SIPA1L2: variants seen among roughly 807,000 people sequenced by gnomAD.
SIPA1L2 encodes the protein signal-induced proliferation-associated 1-like protein 2.
In SIPA1L2, 56 loss-of-function variants were observed where a neutral mutation model predicts 163.9. The observed-to-expected ratio is 0.34, with a 90% CI of 0.28 to 0.43. The LOEUF is 0.43. Among genes scored for constraint, SIPA1L2 ranks in the 20% least tolerant of loss-of-function variants. The pLI is 1.00. For missense variants in SIPA1L2, 1,974 were observed against 2,193.5 expected, an observed-to-expected ratio of 0.90 and a Z score of 2.00; for synonymous variants, 877 against 865.7, an observed-to-expected ratio of 1.01 and a Z score of -0.23.
chr1:232,515,071 G>T lies in SIPA1L2; in HGVS notation c.269C>A (p.Ser90Tyr). The part of the protein sequence containing the change: ...VSEWPPKKDC[S>Y]KELTCKALWE... ...CAGTGCCTTGCATGTTAGCTCCTTG[G>T]AACAGTCCTTTTTAGGAGGCCATTC... The change falls in exon 3 of 23, where the codon TCC (serine) becomes TAC (tyrosine). Residue 90 changes from serine (S) to tyrosine (Y), a missense_variant. Coordinates refer to ENST00000674635, the MANE Select transcript of SIPA1L2 (RefSeq NM_020808.5). The T allele has an allele frequency of 1.2e-6, 2 of 1,614,120 alleles. No homozygotes were observed. The highest frequency in any genetic ancestry group is 1.7e-6 in the Non-Finnish European group (2 of 1,180,024).
chr1:232,525,445 G>A (rs1243411086), intron 2 of SIPA1L2, among the ~76,000 whole-genome samples: 2 of 145,326 alleles, frequency 1.4e-5, no homozygotes, highest in Admixed American at 7.0e-5. Context: ...TAGTAGAGAC[G>A]GGGTTTCACC....
intron 3 of SIPA1L2, among the ~76,000 whole-genome samples, chr1:232,512,801 G>A (rs1238489357): frequency 6.6e-6 from 1 of 151,534 alleles, no homozygotes; most frequent in African/African-American, 2.4e-5. Flanking sequence ...AGAACTTAAA[G>A]TAAAAAAAAA....
At chr1:232,516,167 C>A (rs901412070) in intron 2 of SIPA1L2, among the ~76,000 whole-genome samples, 1 of 152,174 alleles carries the variant, frequency 6.6e-6, no homozygotes, top group Non-Finnish European at 1.5e-5. Flanking sequence ...GCAAAATGGT[C>A]AATACAAGAC....
rs563203836 is a variant in SIPA1L2, at chr1:232,443,604, G to A, written c.3435C>T (p.Asp1145=). The part of the protein sequence containing the change: ...SGPWRPQVGY[D]GCQSPLLLEH... ...ACTAAGATAAAAATGAACAGTACCCGTCGTAGCCCACTTGTGGTCTCCAGG... is the reference window on the plus strand; with the variant it reads ...ACTAAGATAAAAATGAACAGTACCCATCGTAGCCCACTTGTGGTCTCCAGG... Residue 1145 remains aspartate, a splice_region_variant and synonymous_variant, in exon 12 of 23, where the codon GAC becomes GAT. Coordinates refer to ENST00000674635, the MANE Select transcript of SIPA1L2 (RefSeq NM_020808.5). 1.2e-4 allele frequency: 194 copies of A among 1,601,040 alleles called. 2 individuals are homozygous for A. Among genetic ancestry groups the A allele is most frequent in the South Asian group, 1.0e-3 (91 of 88,588 alleles).
chr1:232,592,028 T>TAATC (rs1660994229), intron 1 of SIPA1L2, among the ~76,000 whole-genome samples: 1 of 152,082 alleles, frequency 6.6e-6, no homozygotes, highest in Non-Finnish European at 1.5e-5. Context: ...TTTTTCCCAC[T>TAATC]AATCACTCTT....
chr1:232,558,675 T>G (rs1221980751), intron 2 of SIPA1L2, among the ~76,000 whole-genome samples: 1 of 152,162 alleles, frequency 6.6e-6, no homozygotes, highest in Non-Finnish European at 1.5e-5. Flanking sequence ...ATGAGTTATC[T>G]CCCATAAAAG....
chr1:232,531,550 A>G (rs527466063), intron 2 of SIPA1L2, among the ~76,000 whole-genome samples: 420 of 152,336 alleles, frequency 2.8e-3, no homozygotes, highest in Non-Finnish European at 4.5e-3. Context: ...CTAGTCTAGG[A>G]TCAAAGATGC....
At chr1:232,550,343 C>T (rs944409518) in intron 2 of SIPA1L2, among the ~76,000 whole-genome samples, 8 of 152,088 alleles carry the variant, frequency 5.3e-5, no homozygotes, top group Admixed American at 1.3e-4. Context: ...AGCCACCCAC[C>T]GCAAGTCAGA....
chr1:232,554,210 T>G (rs1658568356), intron 2 of SIPA1L2, among the ~76,000 whole-genome samples: 1 of 152,174 alleles, frequency 6.6e-6, no homozygotes, highest in Non-Finnish European at 1.5e-5. Context: ...TAACAAGCAC[T>G]AGAATTATTT....
At chr1:232,432,901 AAT>A (rs1407104601) in intron 15 of SIPA1L2, among the ~76,000 whole-genome samples, 5 of 152,210 alleles carry the variant, frequency 3.3e-5, no homozygotes, top group African/African-American at 1.2e-4. Context: ...AATGCCTGAC[AAT>A]ACCCAGTGAC....
intron 2 of SIPA1L2, among the ~76,000 whole-genome samples, chr1:232,560,940 T>C (rs1476483640): frequency 1.3e-5 from 2 of 152,248 alleles, no homozygotes; most frequent in Non-Finnish European, 2.9e-5. Context: ...GCTAGAACTT[T>C]AGTAGACGTA....
intron 2 of SIPA1L2, among the ~76,000 whole-genome samples, chr1:232,563,958 TGTGTGTGTGTG>T (rs1659202138): frequency 2.0e-5 from 1 of 49,792 alleles, no homozygotes; most frequent in African/African-American, 1.0e-4. Context: ...TTTTTTTTCG[TGTGTGTGTGTG>T]TGTGTGTGTG....
At chr1:232,461,189 GC>G in intron 9 of SIPA1L2, 28 bp from the exon 10 acceptor site, 3 of 1,600,496 alleles carry the variant, frequency 1.9e-6, no homozygotes, top group Non-Finnish European at 2.6e-6. Context: ...TGTTAGAGAT[GC>G]CCTTCCTGCC....
chr1:232,522,799 A>T (rs1667517013), intron 2 of SIPA1L2, among the ~76,000 whole-genome samples: 1 of 152,222 alleles, frequency 6.6e-6, no homozygotes. Flanking sequence ...ATATGAGTGT[A>T]TATTTATTGA....
intron 2 of SIPA1L2, among the ~76,000 whole-genome samples, chr1:232,554,625 A>G (rs1043357637): frequency 1.9e-4 from 29 of 152,194 alleles, no homozygotes; most frequent in African/African-American, 6.8e-4. Flanking sequence ...AGAGAGCAAT[A>G]TTTATGTTAT....
At chr1:232,485,067 TGACCTCAGCA>T (rs1665576607) in intron 5 of SIPA1L2, among the ~76,000 whole-genome samples, 1 of 152,214 alleles carries the variant, frequency 6.6e-6, no homozygotes, top group East Asian at 1.9e-4. Flanking sequence ...TCTGCCTGGG[TGACCTCAGCA>T]GACATCAGGA....
intron 9 of SIPA1L2, chr1:232,462,464 T>A (rs1463306413): frequency 8.9e-7 from 1 of 1,124,004 alleles, no homozygotes; most frequent in African/African-American, 1.6e-5. Flanking sequence ...CTGTGTCTGA[T>A]GTTTCCATGG....
intron 2 of SIPA1L2, among the ~76,000 whole-genome samples, chr1:232,525,898 C>T (rs1667683548): frequency 6.6e-6 from 1 of 152,148 alleles, no homozygotes; most frequent in South Asian, 2.1e-4. Flanking sequence ...CAGGGTGGAG[C>T]GATTTACTCC....
intron 1 of SIPA1L2, among the ~76,000 whole-genome samples, chr1:232,617,358 C>G (rs1293593829): frequency 6.6e-6 from 1 of 152,106 alleles, no homozygotes; most frequent in Non-Finnish European, 1.5e-5. Context: ...GAAAATCACA[C>G]CCCTGTAAGG....
Sources: gnomAD v4.1 joint callset for allele counts (sites outside exome capture counted in the v4.1 genomes callset) on GRCh38, gnomAD v4.1.1 for gene constraint, MANE v1.5 for transcripts, NCBI Gene and HGNC (gene_info 2026-07-23, HGNC 2026-07-21) for gene names.